MLLT11: variants seen among roughly 807,000 people sequenced by gnomAD.
MLLT11 encodes MLLT11 transcription factor 7 cofactor.
Under a neutral mutation model 5.3 loss-of-function variants are expected in MLLT11, and 1 was observed. The observed-to-expected ratio is 0.19, with a 90% CI of 0.07 to 0.89. MLLT11 has a LOEUF of 0.89. Ranked by LOEUF, MLLT11 falls within the 40% of genes least tolerant of loss-of-function variation. The pLI is 0.67. For missense variants in MLLT11, 87 were observed against 107.3 expected, an observed-to-expected ratio of 0.81 and a Z score of 0.83; for synonymous variants, 38 against 41.7, an observed-to-expected ratio of 0.91 and a Z score of 0.34.
Position 151,068,747 on chromosome 1 carries a change from G to A in MLLT11, c.*1250G>A, listed in dbSNP as rs1676511633. ...TTACAGGCGCCTGCCACCAGGCCTG[G>A]TTAATTTTTGTATTTTTCATAGAGA... On this transcript the variant is annotated 3_prime_UTR_variant, in exon 2 of 2. Transcript: ENST00000368921. 6.6e-6 allele frequency among the ~76,000 whole-genome samples: 1 copy of A among 152,096 alleles called. No individual in the cohort carries two copies. The highest frequency in any genetic ancestry group is 2.1e-4 in the South Asian group (1 of 4,816).
In MLLT11 at chr1:151,067,698, A is replaced by T; in HGVS notation, c.*201A>T. The T allele has an allele frequency of 1.6e-6, 1 of 641,038 alleles. No homozygotes were observed. Among genetic ancestry groups the T allele is most frequent in the Non-Finnish European group, 2.7e-6 (1 of 365,740 alleles). The allele number at this position is 641,038 out of a possible 1,614,324, so 39.7% of individuals were successfully genotyped here. On this transcript the variant is annotated 3_prime_UTR_variant, in exon 2 of 2. Coordinates refer to ENST00000368921, the MANE Select transcript of MLLT11 (RefSeq NM_006818.4). ...CTCAAAAGCCCTCAAGTCACAAAGT[A>T]AATGGTTCAAGCAATGGAGTACTGG... is the stretch of plus-strand genomic sequence containing the variant.
chr1:151,067,552 C>T lies in MLLT11; in HGVS notation c.*55C>T, dbSNP rs1676492661. On this transcript the variant is annotated 3_prime_UTR_variant, in exon 2 of 2. Coordinates refer to ENST00000368921, the MANE Select transcript of MLLT11 (RefSeq NM_006818.4). Reference sequence around the variant, plus strand: ...CCCTCATTGTCTTCCCTCTCAAGCCCCTTCCTTTCCACTCCTTTCCCATTT... The same window carrying T: ...CCCTCATTGTCTTCCCTCTCAAGCCTCTTCCTTTCCACTCCTTTCCCATTT... The T allele has an allele frequency of 3.2e-6, 5 of 1,545,332 alleles. No homozygotes were observed. In the South Asian group the frequency reaches 5.8e-5, roughly 18 times the overall value.
intron 1 of MLLT11, among the ~76,000 whole-genome samples, chr1:151,064,245 TC>T (rs1301485557): frequency 1.3e-5 from 2 of 152,136 alleles, no homozygotes; most frequent in African/African-American, 4.8e-5. Flanking sequence ...GGTCTTGAAC[TC>T]CTCACCTCCT....
intron 1 of MLLT11, among the ~76,000 whole-genome samples, chr1:151,063,750 C>G (rs1676439500): frequency 6.6e-6 from 1 of 152,114 alleles, no homozygotes. Context: ...TGACCCTTGG[C>G]TAGTAAGTAG....
At chr1:151,064,781 G>A (rs1232655967) in intron 1 of MLLT11, among the ~76,000 whole-genome samples, 2 of 151,660 alleles carry the variant, frequency 1.3e-5, no homozygotes, top group South Asian at 2.1e-4. Flanking sequence ...ATGTTTGGGC[G>A]TGTCTGTGTG....
At chr1:151,062,228 A>C (rs1676416535) in intron 1 of MLLT11, among the ~76,000 whole-genome samples, 4 of 152,196 alleles carry the variant, frequency 2.6e-5, no homozygotes, top group African/African-American at 7.2e-5. Context: ...CTATCCATGT[A>C]CAACACAAAA....
At chr1:151,063,965 T>C (rs1676441962) in intron 1 of MLLT11, among the ~76,000 whole-genome samples, 1 of 152,200 alleles carries the variant, frequency 6.6e-6, no homozygotes, top group Admixed American at 6.5e-5. Context: ...ACTCGAGCAC[T>C]GGGATCAGAG....
At chr1:151,063,514 C>T (rs966167938) in intron 1 of MLLT11, among the ~76,000 whole-genome samples, 1 of 152,196 alleles carries the variant, frequency 6.6e-6, no homozygotes, top group African/African-American at 2.4e-5. Flanking sequence ...CAAGCTCCGC[C>T]TCCCAGGTTC....
chr1:151,060,652 AAGAGG>A (rs1676390743), intron 1 of MLLT11, 99 bp downstream of exon 1: 1 of 152,194 alleles, frequency 6.6e-6, no homozygotes, highest in African/African-American at 2.4e-5. Flanking sequence ...GGGACAGCTG[AAGAGG>A]AGAGAAGGGG....
In MLLT11 at chr1:151,064,859, A is replaced by G. The variant is rs147407672; in HGVS notation, c.-6-2360A>G. ...CATGTATCTCTAAGAACAGAGTGAT[A>G]ATTAGATATTGCCTTTGCCTAAAAT... On this transcript the variant is annotated intron_variant, in intron 1 of 1. Transcript: ENST00000368921. Among the ~76,000 whole-genome samples, 1,300 of 152,312 alleles carry G rather than the reference A, an allele frequency of 8.5e-3. 12 individuals carry two copies. Among genetic ancestry groups the G allele is most frequent in the African/African-American group, 0.03 (1,244 of 41,560 alleles).
At chr1:151,064,005 G>GTTATTTATTTAT (rs3062378) in intron 1 of MLLT11, among the ~76,000 whole-genome samples, 14 of 150,452 alleles carry the variant, frequency 9.3e-5, no homozygotes, top group East Asian at 2.0e-4. Context: ...GCATAGGAAA[G>GTTATTTATTTAT]TTATTTATTT....
At position 151,069,217 on chromosome 1, in the gene MLLT11, C is replaced by A. The variant is rs1356006905; in HGVS notation, c.*1720C>A. 6.6e-6 allele frequency among the ~76,000 whole-genome samples: 1 copy of A among 152,168 alleles called. No individual in the cohort carries two copies. The highest frequency in any genetic ancestry group is 1.5e-5 in the Non-Finnish European group (1 of 68,040). Reference sequence around the variant, plus strand: ...AAACGGGAATGAGACAAGACTCCAACTCTCAAAAGAGAAACTGTAAATACC... The same window carrying A: ...AAACGGGAATGAGACAAGACTCCAAATCTCAAAAGAGAAACTGTAAATACC... On this transcript the variant is annotated 3_prime_UTR_variant, in exon 2 of 2. Coordinates refer to ENST00000368921, the MANE Select transcript of MLLT11 (RefSeq NM_006818.4).
At chr1:151,066,041 T>C (rs749817918) in intron 1 of MLLT11, among the ~76,000 whole-genome samples, 3 of 151,958 alleles carry the variant, frequency 2.0e-5, no homozygotes, top group Non-Finnish European at 2.9e-5. Flanking sequence ...AGTTTTGCCA[T>C]GTTGCCCAGG....
chr1:151,065,802 G>A (rs1676467653), intron 1 of MLLT11, among the ~76,000 whole-genome samples: 1 of 152,146 alleles, frequency 6.6e-6, no homozygotes, highest in South Asian at 2.1e-4. Context: ...TAGGGGAACG[G>A]GGGTTCCTCT....
In MLLT11 at chr1:151,068,154, G is replaced by A. The variant is rs1676500729; in HGVS notation, c.*657G>A. ...AGCTAATTTCTTTTCTCAAAAGAGT[G>A]TCCCTTCTTCACACCTACTCACTTT... On this transcript the variant is annotated 3_prime_UTR_variant, in exon 2 of 2. Transcript: ENST00000368921. 4.2e-6 allele frequency: 1 copy of A among 240,172 alleles called. No homozygotes were observed. The highest frequency in any genetic ancestry group is 5.7e-5 in the Admixed American group (1 of 17,490). 14.9% of individuals were successfully genotyped at this position (240,172 alleles called of 1,614,324 possible). A position where few individuals can be genotyped will look rare whatever the true frequency, so the allele number is the denominator to read the frequency against.
intron 1 of MLLT11, among the ~76,000 whole-genome samples, chr1:151,061,136 A>G (rs1480488049): frequency 6.6e-6 from 1 of 152,176 alleles, no homozygotes; most frequent in Non-Finnish European, 1.5e-5. Context: ...TGAAATCAGT[A>G]TAGCCCACAG....
chr1:151,067,752 A>G lies in MLLT11; in HGVS notation c.*255A>G, dbSNP rs1676495311. The G allele has an allele frequency of 2.3e-5, 12 of 532,518 alleles. No individual in the cohort carries two copies. The highest frequency in any genetic ancestry group is 4.1e-5 in the Non-Finnish European group (12 of 290,308). 33.0% of individuals were successfully genotyped at this position (532,518 alleles called of 1,614,324 possible). ...ACAGGGATTCCTCCTTTCCCCCCCA[A>G]ATATTAACTCCAGAAACTAGGCCTG... On this transcript the variant is annotated 3_prime_UTR_variant, in exon 2 of 2. Coordinates refer to ENST00000368921, the MANE Select transcript of MLLT11 (RefSeq NM_006818.4).
rs587643954 is a variant in MLLT11, at chr1:151,061,877, A to C, written c.-7+1324A>C. On this transcript the variant is annotated intron_variant, in intron 1 of 1. Coordinates refer to ENST00000368921, the MANE Select transcript of MLLT11 (RefSeq NM_006818.4). ...TGAATGTATTTGGTACCCTGTGTAC[A>C]TGTCTCTGGGTCAATGACATAGAGA... Among the ~76,000 whole-genome samples, 68 of 152,266 alleles carry C rather than the reference A, an allele frequency of 4.5e-4. 1 individual carries two copies. The highest frequency in any genetic ancestry group is 1.6e-3 in the African/African-American group (67 of 41,562).
intron 1 of MLLT11, among the ~76,000 whole-genome samples, chr1:151,064,758 G>A (rs1033632931): frequency 6.6e-6 from 1 of 152,138 alleles, no homozygotes. Flanking sequence ...CCCACAAAGG[G>A]TCTGGACAAA....
Sources: gnomAD v4.1 joint callset for allele counts (sites outside exome capture counted in the v4.1 genomes callset) on GRCh38, gnomAD v4.1.1 for gene constraint, MANE v1.5 for transcripts, NCBI Gene and HGNC (gene_info 2026-07-23, HGNC 2026-07-21) for gene names.